IFT88: variants seen among roughly 807,000 people sequenced by gnomAD.
IFT88 encodes the protein intraflagellar transport 88.
IFT88 carries 74 observed loss-of-function variants against 119.5 expected under a neutral mutation model. The ratio of observed to expected loss-of-function variants is 0.62; its 90% confidence interval spans 0.51 to 0.75. IFT88 has a LOEUF of 0.75. Ranked by LOEUF, IFT88 falls within the 30% of genes least tolerant of loss-of-function variation. The pLI is 0.00. For missense variants in IFT88, 961 were observed against 977.7 expected, an observed-to-expected ratio of 0.98 and a Z score of 0.23; for synonymous variants, 279 against 316.7, an observed-to-expected ratio of 0.88 and a Z score of 1.26.
At chr13:20,625,203 G>C (rs1264733038) in intron 14 of IFT88, among the ~76,000 whole-genome samples, 1 of 152,098 alleles carries the variant, frequency 6.6e-6, no homozygotes, top group Non-Finnish European at 1.5e-5. Context: ...CTACCTTTGT[G>C]ATCTCAGATC....
chr13:20,667,761 C>G (rs138329840), intron 23 of IFT88, among the ~76,000 whole-genome samples: 214 of 152,086 alleles, frequency 1.4e-3, no homozygotes, highest in African/African-American at 4.5e-3. Flanking sequence ...AGTTTTATAT[C>G]CTCTTTCTCA....
chr13:20,593,628 T>C (rs995397187), intron 7 of IFT88, among the ~76,000 whole-genome samples: 9 of 152,130 alleles, frequency 5.9e-5, no homozygotes, highest in Non-Finnish European at 1.0e-4. Flanking sequence ...GGAACCTCTA[T>C]AGAAAATCAT....
chr13:20,673,743 T>C (rs1010735765), intron 24 of IFT88, among the ~76,000 whole-genome samples: 24 of 152,230 alleles, frequency 1.6e-4, no homozygotes, highest in African/African-American at 5.8e-4. Flanking sequence ...CTCCCACTGC[T>C]GCTTTTTCTT....
intron 12 of IFT88, among the ~76,000 whole-genome samples, chr13:20,603,820 C>T (rs1425858945): frequency 6.6e-6 from 1 of 152,064 alleles, no homozygotes; most frequent in Non-Finnish European, 1.5e-5. Flanking sequence ...TCACCTGAGC[C>T]CGAGGAGGTC....
chr13:20,642,774 C>T (rs1240491251), intron 18 of IFT88: 1 of 151,684 alleles, frequency 6.6e-6, no homozygotes, highest in Admixed American at 6.6e-5. Context: ...TGTTTGAGTA[C>T]ATTTTCTTTT....
intron 15 of IFT88, among the ~76,000 whole-genome samples, 194 bp downstream of exon 15, chr13:20,626,043 C>CTTTTTTTTTTTT (rs528587128): frequency 7.6e-5 from 3 of 39,574 alleles, no homozygotes; most frequent in African/African-American, 1.2e-4. Flanking sequence ...TTTGTCGTTT[C>CTTTTTTTTTTTT]TTTTTTTTTT....
At chr13:20,685,822 G>T (rs998692907) in intron 24 of IFT88, among the ~76,000 whole-genome samples, 2 of 152,258 alleles carry the variant, frequency 1.3e-5, no homozygotes, top group African/African-American at 4.8e-5. Context: ...AGAGGTTGCA[G>T]TGAGCCGAGA....
At chr13:20,585,021 C>G (rs1289147944) in intron 3 of IFT88, among the ~76,000 whole-genome samples, 1 of 152,214 alleles carries the variant, frequency 6.6e-6, no homozygotes. Flanking sequence ...GATGAAGTGT[C>G]CTTCTGCTGT....
At chr13:20,576,163 G>C (rs1240638480) in intron 2 of IFT88, among the ~76,000 whole-genome samples, 1 of 152,122 alleles carries the variant, frequency 6.6e-6, no homozygotes, top group Admixed American at 6.5e-5. Flanking sequence ...CCATTTGTAT[G>C]TCTTCTTTTT....
intron 13 of IFT88, among the ~76,000 whole-genome samples, chr13:20,610,708 A>G (rs1389810123): frequency 6.6e-6 from 1 of 152,184 alleles, no homozygotes; most frequent in Non-Finnish European, 1.5e-5. Flanking sequence ...ACTACAGATT[A>G]ATATCATACG....
chr13:20,610,717 C>T (rs1009560829), intron 13 of IFT88, among the ~76,000 whole-genome samples: 1 of 150,878 alleles, frequency 6.6e-6, no homozygotes, highest in Non-Finnish European at 1.5e-5. Flanking sequence ...TAATATCATA[C>T]GAATATATGA....
At chr13:20,647,110 A>G (rs1300874031) in intron 20 of IFT88, among the ~76,000 whole-genome samples, 1 of 152,182 alleles carries the variant, frequency 6.6e-6, no homozygotes. Context: ...TCGGTTTCCC[A>G]GAATATAGAA....
At chr13:20,674,715 TATATATA>T (rs1391434621) in intron 24 of IFT88, among the ~76,000 whole-genome samples, 3 of 38,390 alleles carry the variant, frequency 7.8e-5, no homozygotes, top group Admixed American at 3.0e-4. Flanking sequence ...TATATATATA[TATATATA>T]TATTTTTTTT....
At chr13:20,628,942 A>G in intron 15 of IFT88, among the ~76,000 whole-genome samples, 2 of 152,286 alleles carry the variant, frequency 1.3e-5, no homozygotes, top group South Asian at 4.1e-4. Flanking sequence ...CATTTCCTTG[A>G]CTATAATGTA....
intron 17 of IFT88, among the ~76,000 whole-genome samples, chr13:20,640,439 G>A (rs2049725279): frequency 6.6e-6 from 1 of 151,944 alleles, no homozygotes; most frequent in Non-Finnish European, 1.5e-5. Flanking sequence ...CAGGCGTGAT[G>A]GCGGGCGCCT....
chr13:20,662,727 A>T (rs1566404298), intron 22 of IFT88, among the ~76,000 whole-genome samples: 1 of 148,464 alleles, frequency 6.7e-6, no homozygotes, highest in East Asian at 1.9e-4. Flanking sequence ...TACAAATGTA[A>T]AGACAAAATT....
At chr13:20,571,229 C>T (rs1160607823) in intron 1 of IFT88, among the ~76,000 whole-genome samples, 7 of 152,240 alleles carry the variant, frequency 4.6e-5, no homozygotes, top group East Asian at 1.9e-4. Context: ...CTCCTGACCT[C>T]GTGATCTGCC....
chr13:20,666,956 A>T (rs190464055), intron 23 of IFT88, among the ~76,000 whole-genome samples: 150 of 152,322 alleles, frequency 9.8e-4, no homozygotes, highest in African/African-American at 3.4e-3. Flanking sequence ...TAAAACACAA[A>T]TGAGATTTTT....
At position 20,598,681 on chromosome 13, in the gene IFT88, G is replaced by A. The variant is rs1255600604; in HGVS notation, c.625G>A (p.Val209Ile). The change falls in exon 10 of 26, where the codon GTT becomes ATT. Residue 209 changes from valine to isoleucine, a missense_variant. Val to Ile is a conservative substitution (Grantham distance 29, BLOSUM62 3). Transcript: ENST00000351808. ...TTTCAATTTGGCCAGTCAGTATTCAGTTAATGAAATGTATGCCGAAGCACT... is the reference window on the plus strand; with the variant it reads ...TTTCAATTTGGCCAGTCAGTATTCAATTAATGAAATGTATGCCGAAGCACT... ...VLFNLASQYS[V>I]NEMYAEALNT... 6 of 1,611,086 alleles carry A rather than the reference G, an allele frequency of 3.7e-6. No homozygotes were observed. The Admixed American group carries it at 5.0e-5, about 13-fold the overall frequency.
Sources: gnomAD v4.1 joint callset for allele counts (sites outside exome capture counted in the v4.1 genomes callset) on GRCh38, gnomAD v4.1.1 for gene constraint, MANE v1.5 for transcripts, NCBI Gene and HGNC (gene_info 2026-07-23, HGNC 2026-07-21) for gene names.